TMC2: variants seen among roughly 807,000 people sequenced by gnomAD.
TMC2 encodes transmembrane channel like 2.
Under a neutral mutation model 105.9 loss-of-function variants are expected in TMC2, and 102 were observed. That is an observed-to-expected ratio of 0.96 (90% confidence interval 0.82 to 1.14). The LOEUF is 1.14. Ranked by LOEUF, TMC2 falls within the 50% of genes most tolerant of loss-of-function variation. TMC2 has a pLI of 0.00. For missense variants in TMC2, 1,093 were observed against 1,134.3 expected, an observed-to-expected ratio of 0.96 and a Z score of 0.52; for synonymous variants, 402 against 422.8, an observed-to-expected ratio of 0.95 and a Z score of 0.60.
At chr20:2,564,131 T>C (rs183283176) in intron 4 of TMC2, among the ~76,000 whole-genome samples, 107 of 150,824 alleles carry the variant, frequency 7.1e-4, no homozygotes, top group African/African-American at 2.3e-3. Context: ...CTCTGGACTG[T>C]CTTCCTTCTC....
At chr20:2,636,488 A>G (rs961012310) in intron 18 of TMC2, among the ~76,000 whole-genome samples, 4 of 150,944 alleles carry the variant, frequency 2.6e-5, no homozygotes, top group African/African-American at 9.8e-5. Context: ...ACACACACAC[A>G]CACACGCACA....
At position 2,597,265 on chromosome 20, in the gene TMC2, TAAC is replaced by T; in HGVS notation, c.1194_1196del (p.Asn398del). 6.2e-7 allele frequency: 1 copy of T among 1,614,078 alleles called. No homozygotes were observed. Among genetic ancestry groups the T allele is most frequent in the Non-Finnish European group, 8.5e-7 (1 of 1,179,964 alleles). ...TGATCGGGAATTCAGAGACAGCTGA[TAAC>T]AAATATGCATCCATCACCACCAGCT... On this transcript the variant is annotated inframe_deletion, in exon 10 of 20. Transcript: ENST00000358864.
intron 12 of TMC2, among the ~76,000 whole-genome samples, chr20:2,610,850 T>C (rs1231543937): frequency 6.6e-6 from 1 of 152,186 alleles, no homozygotes; most frequent in Non-Finnish European, 1.5e-5. Context: ...TTTGATACCT[T>C]AATATTTTAT....
At chr20:2,568,244 T>C (rs1416238678) in intron 4 of TMC2, among the ~76,000 whole-genome samples, 2 of 152,188 alleles carry the variant, frequency 1.3e-5, no homozygotes, top group African/African-American at 2.4e-5. Flanking sequence ...AAACAAAACA[T>C]CACCTACAGG....
intron 17 of TMC2, among the ~76,000 whole-genome samples, chr20:2,634,251 A>G (rs984873377): frequency 5.9e-5 from 9 of 152,122 alleles, no homozygotes; most frequent in Admixed American, 4.6e-4. Context: ...GGAGCTCCAC[A>G]CTCTGCAATG....
chr20:2,591,949 T>C (rs998080615), intron 7 of TMC2, among the ~76,000 whole-genome samples: 9 of 151,598 alleles, frequency 5.9e-5, no homozygotes, highest in Non-Finnish European at 1.0e-4. Context: ...AGGTCAGGGG[T>C]TCAAGACCAG....
intron 4 of TMC2, among the ~76,000 whole-genome samples, chr20:2,562,792 A>C (rs991262347): frequency 7.9e-5 from 12 of 152,092 alleles, no homozygotes; most frequent in Non-Finnish European, 1.6e-4. Flanking sequence ...CTAAAAAGAC[A>C]AAAATTAGCC....
In TMC2 at chr20:2,613,326, G is replaced by A. The variant is rs758311186; in HGVS notation, c.1872+4G>A. ...CTGGGACTTGGAGGCTGGATTTGTA[G>A]GTCACCACTTCATGGACATTCCGCA... On this transcript the variant is annotated splice_donor_region_variant and intron_variant, in intron 14 of 19. Transcript: ENST00000358864. 3.1e-6 allele frequency: 5 copies of A among 1,613,982 alleles called. No homozygotes were observed. Among genetic ancestry groups the A allele is most frequent in the Non-Finnish European group, 4.2e-6 (5 of 1,179,966 alleles).
chr20:2,594,536 C>T (rs370779736), intron 8 of TMC2, among the ~76,000 whole-genome samples: 5 of 152,246 alleles, frequency 3.3e-5, no homozygotes, highest in African/African-American at 1.2e-4. Context: ...CCCCCTATCC[C>T]TAATTTGATC....
intron 3 of TMC2, 28 bp from the exon 4 acceptor site, chr20:2,561,830 T>A (rs1424424514): frequency 6.2e-7 from 1 of 1,601,686 alleles, no homozygotes; most frequent in Non-Finnish European, 8.5e-7. Flanking sequence ...CCAACTTCCC[T>A]CTGCCTCCGC....
intron 2 of TMC2, among the ~76,000 whole-genome samples, chr20:2,545,885 A>C (rs2085922747): frequency 7.5e-6 from 1 of 132,780 alleles, no homozygotes; most frequent in African/African-American, 2.8e-5. Flanking sequence ...AAGAAAAAGA[A>C]AGAAATGAAA....
At chr20:2,540,401 CTG>C (rs2085881713) in intron 2 of TMC2, among the ~76,000 whole-genome samples, 1 of 151,924 alleles carries the variant, frequency 6.6e-6, no homozygotes, top group South Asian at 2.1e-4. Flanking sequence ...TGGCTCATGA[CTG>C]TAATCCCAGC....
chr20:2,545,975 T>G (rs2085924135), intron 2 of TMC2, among the ~76,000 whole-genome samples: 1 of 152,056 alleles, frequency 6.6e-6, no homozygotes, highest in Non-Finnish European at 1.5e-5. Context: ...AATGTCTTAC[T>G]TGTAAGATCT....
chr20:2,619,125 A>G, intron 16 of TMC2, among the ~76,000 whole-genome samples: 1 of 152,164 alleles, frequency 6.6e-6, no homozygotes, highest in Non-Finnish European at 1.5e-5. Context: ...CTAAATGCCC[A>G]AAGAGCCTAG....
chr20:2,628,625 C>T (rs2086580862), intron 17 of TMC2, among the ~76,000 whole-genome samples: 1 of 152,138 alleles, frequency 6.6e-6, no homozygotes, highest in Non-Finnish European at 1.5e-5. Context: ...TTATAAGGGG[C>T]TCTTCCCACT....
intron 2 of TMC2, among the ~76,000 whole-genome samples, chr20:2,554,289 C>T (rs1341645617): frequency 6.6e-6 from 1 of 152,132 alleles, no homozygotes; most frequent in Non-Finnish European, 1.5e-5. Flanking sequence ...CGGAGCAACA[C>T]CCTGTCTCAA....
chr20:2,576,428 G>A (rs1451471845), intron 5 of TMC2, among the ~76,000 whole-genome samples: 1 of 152,210 alleles, frequency 6.6e-6, no homozygotes, highest in Non-Finnish European at 1.5e-5. Context: ...GATATCCACA[G>A]CCTTGAGGGG....
At chr20:2,636,459 T>TACACACACAC (rs3051763) in intron 18 of TMC2, among the ~76,000 whole-genome samples, 14,978 of 143,328 alleles carry the variant, frequency 0.1, 907 homozygotes, top group Middle Eastern at 0.16. Flanking sequence ...GACTGCTGTC[T>TACACACACAC]ACACACACAC....
Position 2,558,664 on chromosome 20 carries a change from C to T in TMC2, c.291C>T (p.Gly97=). 1 of 1,591,044 alleles carries T rather than the reference C, an allele frequency of 6.3e-7. No individual in the cohort carries two copies. The highest frequency in any genetic ancestry group is 1.1e-5 in the South Asian group (1 of 87,612). ...ERGEAERTCE[G]RRKRDERASF... ...GCGAGGCAGAGAGGACCTGCGAGGG[C>T]AGGAGAAAGCGCGACGAGAGGGCCT... The change falls in exon 3 of 20, where the codon GGC becomes GGT. Residue 97 remains glycine, a synonymous_variant. Coordinates refer to ENST00000358864, the MANE Select transcript of TMC2 (RefSeq NM_080751.3). This position sits in a 1 kb window ranked among gnomAD's most constrained non-coding sequence, Gnocchi z 4.6.
Sources: allele counts gnomAD v4.1 joint callset (sites outside exome capture counted in the v4.1 genomes callset), GRCh38; gene constraint gnomAD v4.1.1; non-coding constraint Gnocchi (gnomAD v3.1); transcripts MANE v1.5; gene names NCBI Gene and HGNC (gene_info 2026-07-23, HGNC 2026-07-21).